FBXL20: variants seen among roughly 807,000 people sequenced by gnomAD.
FBXL20 encodes the protein F-box and leucine rich repeat protein 20, also known as F-box/LRR-repeat protein 20.
A neutral mutation model predicts 64.0 loss-of-function variants in FBXL20; 11 were observed. That is an observed-to-expected ratio of 0.17 (90% confidence interval 0.11 to 0.28). The LOEUF (loss-of-function observed/expected upper bound fraction) is 0.28. FBXL20 is among the 10% of genes least tolerant of loss of function. The pLI is 1.00. For synonymous variants in FBXL20, 184 were observed against 189.0 expected, an observed-to-expected ratio of 0.97 and a Z score of 0.22; for missense variants, 303 against 526.2, an observed-to-expected ratio of 0.58 and a Z score of 4.15.
At chr17:39,372,389 T>C (rs1045690425) in intron 1 of FBXL20, among the ~76,000 whole-genome samples, 2 of 150,650 alleles carry the variant, frequency 1.3e-5, no homozygotes, top group African/African-American at 4.9e-5. Context: ...CATGGTGACG[T>C]GCGCCTGTAG....
intron 6 of FBXL20, among the ~76,000 whole-genome samples, chr17:39,290,246 T>C (rs2047026371): frequency 6.6e-6 from 1 of 152,102 alleles, no homozygotes; most frequent in Non-Finnish European, 1.5e-5. Context: ...AGAAATAGAA[T>C]TGAGTTTTTG....
chr17:39,295,756 ATTC>A (rs2047078224), intron 6 of FBXL20, among the ~76,000 whole-genome samples: 1 of 143,682 alleles, frequency 7.0e-6, no homozygotes, highest in African/African-American at 2.6e-5. Flanking sequence ...TGGCATTTCC[ATTC>A]TTTTTGAAAA....
chr17:39,293,515 G>A (rs1301265185), intron 6 of FBXL20, among the ~76,000 whole-genome samples: 2 of 152,086 alleles, frequency 1.3e-5, no homozygotes, highest in Admixed American at 1.3e-4. Flanking sequence ...GAGCCACCAT[G>A]CCCGGCCTGA....
At chr17:39,315,812 A>T (rs966480735) in intron 2 of FBXL20, among the ~76,000 whole-genome samples, 1 of 141,140 alleles carries the variant, frequency 7.1e-6, no homozygotes, top group Non-Finnish European at 1.5e-5. Context: ...TCTTTGAGAG[A>T]GAGTGAGAGA....
At chr17:39,386,480 TG>T (rs2048081242) in intron 1 of FBXL20, among the ~76,000 whole-genome samples, 2 of 151,062 alleles carry the variant, frequency 1.3e-5, no homozygotes, top group Admixed American at 1.3e-4. Context: ...AAAAATTAGC[TG>T]GAAGTGGTAG....
intron 2 of FBXL20, among the ~76,000 whole-genome samples, chr17:39,321,868 T>C (rs2047359975): frequency 6.6e-6 from 1 of 151,700 alleles, no homozygotes; most frequent in Non-Finnish European, 1.5e-5. Flanking sequence ...CCTGATTCAA[T>C]GTTTGAATTT....
chr17:39,401,458 G>C lies in FBXL20; in HGVS notation c.-56C>G. 6.5e-7 allele frequency: 1 copy of C among 1,549,956 alleles called. No homozygotes were observed. Among genetic ancestry groups the C allele is most frequent in the East Asian group, 2.5e-5 (1 of 40,810 alleles). Reference sequence around the variant, plus strand: ...CTGCGGCGAGCGGAGTGCACAGACCGGGGGCCCAGGACAGGCCCGGGAGTT... The same window carrying C: ...CTGCGGCGAGCGGAGTGCACAGACCCGGGGCCCAGGACAGGCCCGGGAGTT... On this transcript the variant is annotated 5_prime_UTR_variant, in exon 1 of 15. Coordinates refer to ENST00000264658, the MANE Select transcript of FBXL20 (RefSeq NM_032875.3).
chr17:39,367,439 C>CA (rs2144627971), intron 1 of FBXL20, among the ~76,000 whole-genome samples: 1 of 151,692 alleles, frequency 6.6e-6, no homozygotes, highest in African/African-American at 2.4e-5. Context: ...GCCTCAGCCT[C>CA]CCAAGTAGCT....
At chr17:39,356,803 G>T (rs571631928) in intron 1 of FBXL20, among the ~76,000 whole-genome samples, 2 of 149,090 alleles carry the variant, frequency 1.3e-5, no homozygotes, top group Middle Eastern at 6.9e-3. Context: ...CTACGGGTGC[G>T]TGCCACCACA....
Position 39,252,849 on chromosome 17 carries a change from T to G in FBXL20, c.*8611A>C, listed in dbSNP as rs2046662504. On this transcript the variant is annotated 3_prime_UTR_variant, in exon 15 of 15. Transcript: ENST00000264658. ...CACCTCGGATTTTATTTATTTTAAATAATCCCCCTCCCCCCATCCTCAAGC... is the reference window on the plus strand; with the variant it reads ...CACCTCGGATTTTATTTATTTTAAAGAATCCCCCTCCCCCCATCCTCAAGC... 1.3e-5 allele frequency: 2 copies of G among 151,386 alleles called. No individual in the cohort carries two copies. The highest frequency in any genetic ancestry group is 1.3e-4 in the Admixed American group (2 of 15,144). 9.4% of individuals were successfully genotyped at this position (151,386 alleles called of 1,614,324 possible).
At chr17:39,317,518 C>G (rs1279398364) in intron 2 of FBXL20, among the ~76,000 whole-genome samples, 1 of 151,854 alleles carries the variant, frequency 6.6e-6, no homozygotes, top group Non-Finnish European at 1.5e-5. Context: ...GCGTGATCCA[C>G]CGTGTCCGAC....
rs184954986 is a variant in FBXL20 at position 39,267,168 on chromosome 17, C to T, written c.933+1659G>A. Among the ~76,000 whole-genome samples the T allele has an allele frequency of 2.9e-3, 434 of 152,182 alleles. 1 individual carries two copies. Among genetic ancestry groups the T allele is most frequent in the African/African-American group, 9.2e-3 (384 of 41,542 alleles). ...TTGGGAGGCTGAGGCAGGAGAATTG[C>T]TTGAACCTGGGAAGTGGAGGTTGCA... On this transcript the variant is annotated intron_variant, in intron 12 of 14. Coordinates refer to ENST00000264658, the MANE Select transcript of FBXL20 (RefSeq NM_032875.3).
chr17:39,313,998 T>G (rs2047261574), intron 2 of FBXL20, among the ~76,000 whole-genome samples: 1 of 152,120 alleles, frequency 6.6e-6, no homozygotes. Flanking sequence ...TTTAGTATAT[T>G]CACAGTGTTG....
At chr17:39,268,981 T>G (rs2144350518) in intron 11 of FBXL20, 110 bp from the exon 12 acceptor site, 1 of 1,033,070 alleles carries the variant, frequency 9.7e-7, no homozygotes, top group Non-Finnish European at 1.5e-6. Context: ...GATAAATTCT[T>G]TGGTGTTTCA....
At position 39,361,523 on chromosome 17, in the gene FBXL20, C is replaced by T. The variant is rs185699529; in HGVS notation, c.43-18282G>A. Among the ~76,000 whole-genome samples the T allele has an allele frequency of 2.8e-4, 43 of 152,242 alleles. No individual in the cohort carries two copies. In the East Asian group the frequency reaches 6.4e-3, roughly 23 times the overall value. ...ACAAGAAGAAATGTTTTTGGTCAGGCAGGGTGGCTTATGCCTGTAATCCCA... is the reference window on the plus strand; with the variant it reads ...ACAAGAAGAAATGTTTTTGGTCAGGTAGGGTGGCTTATGCCTGTAATCCCA... On this transcript the variant is annotated intron_variant, in intron 1 of 14. Coordinates refer to ENST00000264658, the MANE Select transcript of FBXL20 (RefSeq NM_032875.3).
In FBXL20 at chr17:39,282,880, A is replaced by C. The variant is rs75637050; in HGVS notation, c.495-25T>G. The C allele has an allele frequency of 7.7e-4, 1,249 of 1,613,542 alleles. 8 individuals carry two copies. In the African/African-American group the frequency reaches 0.015, roughly 19 times the overall value. On this transcript the variant is annotated intron_variant, in intron 7 of 14. Transcript: ENST00000264658. ...ACTTAGGATAAAACAAAATAAGAGA[A>C]ACATATCACTAAATCCAATTCCAAA...
At chr17:39,368,321 G>A (rs2144629608) in intron 1 of FBXL20, among the ~76,000 whole-genome samples, 1 of 152,274 alleles carries the variant, frequency 6.6e-6, no homozygotes, top group Middle Eastern at 3.4e-3. Context: ...GAGCCCAGGA[G>A]CTCAAGGCTG....
intron 1 of FBXL20, among the ~76,000 whole-genome samples, chr17:39,363,841 A>C (rs750720183): frequency 9.5e-5 from 14 of 148,016 alleles, no homozygotes; most frequent in Non-Finnish European, 1.5e-4. Context: ...AAACAAAAAA[A>C]AAAACAATAA....
rs2046712201 is a variant in FBXL20 at position 39,258,231 on chromosome 17, A to G, written c.*3229T>C. 6.6e-6 allele frequency: 1 copy of G among 152,218 alleles called. No homozygotes were observed. The highest frequency in any genetic ancestry group is 6.5e-5 in the Admixed American group (1 of 15,278). The allele number at this position is 152,218 out of a possible 1,614,324, so 9.4% of individuals were successfully genotyped here. A position where few individuals can be genotyped will look rare whatever the true frequency, so the allele number is the denominator to read the frequency against. ...TACATTAAGCCTTACTGAATTTTCAAAAGTATCCCAGATGTTGAGAGAGGA... is the reference window on the plus strand; with the variant it reads ...TACATTAAGCCTTACTGAATTTTCAGAAGTATCCCAGATGTTGAGAGAGGA... On this transcript the variant is annotated 3_prime_UTR_variant, in exon 15 of 15. Transcript: ENST00000264658.
Sources: allele counts gnomAD v4.1 joint callset (sites outside exome capture counted in the v4.1 genomes callset), GRCh38; gene constraint gnomAD v4.1.1; transcripts MANE v1.5; gene names NCBI Gene and HGNC (gene_info 2026-07-23, HGNC 2026-07-21).